The following PPP1R13B variants were observed in gnomAD, a reference collection of about 807,000 sequenced individuals.
PPP1R13B encodes apoptosis-stimulating of p53 protein 1.
Under a neutral mutation model 119.8 loss-of-function variants are expected in PPP1R13B, and 44 were observed. The observed-to-expected ratio is 0.37, with a 90% CI of 0.29 to 0.47. The LOEUF is 0.47. PPP1R13B is among the 20% of genes least tolerant of loss of function. The pLI is 0.99. For synonymous variants in PPP1R13B, 542 were observed against 561.5 expected (o/e 0.97, Z 0.49); for missense variants, 1,227 against 1,413.5 (o/e 0.87, Z 2.12).
Position 103,835,002 on chromosome 14 carries a change from G to A in PPP1R13B, c.9+12297C>T, listed in dbSNP as rs535692073. ...TCAGCATGAAGGGCACAAGCATTCT[G>A]CTTCAGAGTAATAGGGTAATTGTGA... On this transcript the variant is annotated intron_variant, in intron 1 of 16. Transcript: ENST00000202556. Among the ~76,000 whole-genome samples the A allele has an allele frequency of 5.3e-5, 8 of 152,326 alleles. No individual in the cohort carries two copies. In the East Asian group the frequency reaches 9.6e-4, roughly 18 times the overall value.
At chr14:103,838,210 G>GCACACACACA (rs10640450) in intron 1 of PPP1R13B, among the ~76,000 whole-genome samples, 3 of 149,374 alleles carry the variant, frequency 2.0e-5, no homozygotes, top group African/African-American at 7.4e-5. Flanking sequence ...CTCTGTTATG[G>GCACACACACA]CACACACACA....
chr14:103,832,577 C>T lies in PPP1R13B; in HGVS notation c.9+14722G>A, dbSNP rs530309701. On this transcript the variant is annotated intron_variant, in intron 1 of 16. Transcript: ENST00000202556. ...TGATCACTCAGAGACCCTTCTCTGC[C>T]TTGACTATTGTAAGGGACTACTCTC... 2.6e-5 allele frequency among the ~76,000 whole-genome samples: 4 copies of T among 152,310 alleles called. No individual in the cohort carries two copies. In the South Asian group the frequency reaches 6.2e-4, roughly 24 times the overall value.
In PPP1R13B at chr14:103,740,483, T is replaced by C. The variant is rs2151964537; in HGVS notation, c.1933A>G (p.Thr645Ala). 6.2e-7 allele frequency: 1 copy of C among 1,609,228 alleles called. No homozygotes were observed. Among genetic ancestry groups the C allele is most frequent in the Non-Finnish European group, 8.5e-7 (1 of 1,176,596 alleles). ...CCATCCTGCTCAGGCTCTTTCTCAG[T>C]ACTTTCTGAAGGTGGCTGAGGCTGT... ...TPQPQPPSESTEKEPEQDGPA... is the reference protein window; with the variant it reads ...TPQPQPPSESAEKEPEQDGPA... Residue 645 changes from threonine to alanine, a missense_variant, in exon 12 of 17, where the codon ACT becomes GCT. Physicochemically the swap from Thr to Ala is moderately conservative, Grantham distance 58. Coordinates refer to ENST00000202556, the MANE Select transcript of PPP1R13B (RefSeq NM_015316.3). This position sits in a 1 kb window ranked among gnomAD's most constrained non-coding sequence, Gnocchi z 4.6.
chr14:103,740,938 G>C lies in PPP1R13B; in HGVS notation c.1823-345C>G, dbSNP rs1003425920. ...GAAAAAGACAAAAACCACTAAACAT[G>C]CATCTGATTCTTGGACTAACTCACA... is the stretch of plus-strand genomic sequence containing the variant. On this transcript the variant is annotated intron_variant, in intron 11 of 16. Coordinates refer to ENST00000202556, the MANE Select transcript of PPP1R13B (RefSeq NM_015316.3). This position sits in a 1 kb window ranked among gnomAD's most constrained non-coding sequence, Gnocchi z 4.6. Among the ~76,000 whole-genome samples the C allele has an allele frequency of 1.3e-5, 2 of 152,234 alleles. No individual in the cohort carries two copies. The highest frequency in any genetic ancestry group is 2.9e-5 in the Non-Finnish European group (2 of 68,034).
At chr14:103,800,110 T>C (rs2152045018) in intron 1 of PPP1R13B, among the ~76,000 whole-genome samples, 1 of 152,012 alleles carries the variant, frequency 6.6e-6, no homozygotes, top group Middle Eastern at 3.4e-3. Context: ...AAACCAAAGA[T>C]TTTCTTTAAT....
chr14:103,834,669 C>T (rs1426471380), intron 1 of PPP1R13B, among the ~76,000 whole-genome samples: 2 of 146,074 alleles, frequency 1.4e-5, no homozygotes, highest in African/African-American at 5.2e-5. Flanking sequence ...CGACTCACCA[C>T]AACCTCCGCC....
intron 1 of PPP1R13B, among the ~76,000 whole-genome samples, chr14:103,824,039 CTTTTTT>C (rs35194586): frequency 1.2e-4 from 9 of 75,110 alleles, no homozygotes; most frequent in Admixed American, 1.1e-3. Flanking sequence ...CTACCTCATC[CTTTTTT>C]TTTTTTTTTT....
At chr14:103,814,275 G>A (rs1048558281) in intron 1 of PPP1R13B, among the ~76,000 whole-genome samples, 1 of 152,192 alleles carries the variant, frequency 6.6e-6, no homozygotes, top group African/African-American at 2.4e-5. Context: ...CATGAACCTG[G>A]GAGGCCGAGC....
At chr14:103,739,178 A>AC in intron 12 of PPP1R13B, 155 bp from the exon 13 acceptor site, 1 of 1,019,082 alleles carries the variant, frequency 9.8e-7, no homozygotes, top group East Asian at 2.5e-5. Context: ...CCAGGTGACC[A>AC]CCTCAAATAA....
chr14:103,736,474 G>A (rs1387333501), intron 15 of PPP1R13B: 1 of 553,510 alleles, frequency 1.8e-6, no homozygotes, highest in Non-Finnish European at 3.3e-6. Flanking sequence ...GCAAGAGTGT[G>A]CTGTTCTTAA....
chr14:103,761,269 A>G (rs901448953), intron 4 of PPP1R13B, among the ~76,000 whole-genome samples: 4 of 113,872 alleles, frequency 3.5e-5, no homozygotes, highest in East Asian at 2.5e-4. Context: ...GCAAGACCCT[A>G]TATTTAAAAA....
intron 1 of PPP1R13B, among the ~76,000 whole-genome samples, chr14:103,825,456 C>A (rs2086516072): frequency 6.6e-6 from 1 of 152,146 alleles, no homozygotes; most frequent in Admixed American, 6.6e-5. Flanking sequence ...AGGAAAACTT[C>A]CTAAAATAAA....
At chr14:103,842,246 T>A (rs578112552) in intron 1 of PPP1R13B, among the ~76,000 whole-genome samples, 1 of 151,138 alleles carries the variant, frequency 6.6e-6, no homozygotes, top group African/African-American at 2.4e-5. Context: ...CAGCATCTAG[T>A]AGAAGTTAGG....
intron 1 of PPP1R13B, among the ~76,000 whole-genome samples, chr14:103,828,955 T>C (rs1305451342): frequency 6.6e-6 from 1 of 152,212 alleles, no homozygotes; most frequent in Non-Finnish European, 1.5e-5. Flanking sequence ...GTAATCTTTT[T>C]ATATTTTTAT....
chr14:103,740,322 C>A lies in PPP1R13B; in HGVS notation c.2094G>T (p.Leu698=). 6.4e-7 allele frequency: 1 copy of A among 1,571,510 alleles called. No homozygotes were observed. Among genetic ancestry groups the A allele is most frequent in the Non-Finnish European group, 8.6e-7 (1 of 1,158,760 alleles). ...DADLEALRRK[L]ANAPRPLKKR... ...TTTTCAGGGGCCGGGGCGCGTTGGC[C>A]AGCTTCCTGCGGAGGGCCTCCAGGT... Residue 698 remains leucine (L), a synonymous_variant, in exon 12 of 17, where the codon CTG becomes CTT. Transcript: ENST00000202556. The surrounding 1 kb of genome is among the most constrained non-coding windows in gnomAD (Gnocchi z 4.6).
chr14:103,739,165 C>G, intron 12 of PPP1R13B, 142 bp from the exon 13 acceptor site: 1 of 1,172,464 alleles, frequency 8.5e-7, no homozygotes, highest in African/African-American at 1.5e-5. Flanking sequence ...GCAGTAGCAG[C>G]GCCCAGGTGA....
chr14:103,808,776 A>G (rs559590664), intron 1 of PPP1R13B, among the ~76,000 whole-genome samples: 15 of 152,282 alleles, frequency 9.9e-5, no homozygotes, highest in Non-Finnish European at 1.8e-4. Flanking sequence ...TTAACCTTAG[A>G]GCAATGAAAA....
intron 4 of PPP1R13B, among the ~76,000 whole-genome samples, chr14:103,773,482 A>C (rs2085116677): frequency 1.3e-5 from 2 of 152,342 alleles, no homozygotes; most frequent in South Asian, 4.1e-4. Flanking sequence ...ATTAAATCCC[A>C]AAACTCCACT....
At chr14:103,811,823 A>G (rs2086162870) in intron 1 of PPP1R13B, among the ~76,000 whole-genome samples, 1 of 150,914 alleles carries the variant, frequency 6.6e-6, no homozygotes, top group Non-Finnish European at 1.5e-5. Context: ...TTGGGAGGCC[A>G]AGGCTGGCAG....
Sources: gnomAD v4.1 joint callset for allele counts (sites outside exome capture counted in the v4.1 genomes callset) on GRCh38, gnomAD v4.1.1 for gene constraint, Gnocchi (gnomAD v3.1) non-coding constraint, MANE v1.5 for transcripts, NCBI Gene and HGNC (gene_info 2026-07-23, HGNC 2026-07-21) for gene names.